ANK3: variants seen among roughly 807,000 people sequenced by gnomAD.
ANK3 encodes the protein ankyrin-3.
Under a neutral mutation model 370.9 loss-of-function variants are expected in ANK3, and 57 were observed. The ratio of observed to expected loss-of-function variants is 0.15; its 90% CI spans 0.12 to 0.19. ANK3 has a LOEUF of 0.19. Ranked by LOEUF, ANK3 falls within the 10% of genes least tolerant of loss-of-function variation. ANK3 has a pLI of 1.00. For synonymous variants in ANK3, 1,929 were observed against 1,946.3 expected, an observed-to-expected ratio of 0.99 and a Z score of 0.23; for missense variants, 4,439 against 5,302.1, an observed-to-expected ratio of 0.84 and a Z score of 5.06.
chr10:60,434,062 A>T (rs1413620413), intron 2 of ANK3, among the ~76,000 whole-genome samples: 1 of 152,244 alleles, frequency 6.6e-6, no homozygotes, highest in East Asian at 1.9e-4. Flanking sequence ...TGGAACAAAC[A>T]GAATATACAA....
Position 60,180,594 on chromosome 10 carries a change from C to CAAAAAAAAAAAAA in ANK3, c.2184+722_2184+734dup, listed in dbSNP as rs58386273. On this transcript the variant is annotated intron_variant, in intron 18 of 43. Transcript: ENST00000280772. ...CTGGTAACAGAGTGAGACTCCGTCT[C>CAAAAAAAAAAAAA]AAAAAAAAAAAAAAAAAAACCAAAA... 6.8e-4 allele frequency among the ~76,000 whole-genome samples: 43 copies of CAAAAAAAAAAAAA among 63,410 alleles called. 5 individuals are homozygous for CAAAAAAAAAAAAA. The highest frequency in any genetic ancestry group is 8.8e-4 in the Admixed American group (4 of 4,522). The allele number at this position is 63,410 out of a possible 152,430, so 41.6% of individuals were successfully genotyped here. A position where few individuals can be genotyped will look rare whatever the true frequency, so the allele number is the denominator to read the frequency against.
At chr10:60,365,622 G>A (rs2059287637) in intron 1 of ANK3, among the ~76,000 whole-genome samples, 2 of 152,118 alleles carry the variant, frequency 1.3e-5, no homozygotes, top group Admixed American at 1.3e-4. Context: ...TCTTTAAATG[G>A]AACGAGAGAA....
At chr10:60,104,580 G>A (rs1491000260) in intron 28 of ANK3, among the ~76,000 whole-genome samples, 1 of 151,982 alleles carries the variant, frequency 6.6e-6, no homozygotes, top group Non-Finnish European at 1.5e-5. Context: ...AAAACCACCT[G>A]ATTTGCAGTG....
intron 1 of ANK3, among the ~76,000 whole-genome samples, chr10:60,728,980 A>T (rs1028819650): frequency 1.3e-5 from 2 of 152,172 alleles, no homozygotes; most frequent in South Asian, 2.1e-4. Context: ...TATTTTCAAG[A>T]TGCATATGTC....
At chr10:60,243,932 G>A (rs1470101483) in intron 7 of ANK3, among the ~76,000 whole-genome samples, 1 of 152,148 alleles carries the variant, frequency 6.6e-6, no homozygotes, top group Non-Finnish European at 1.5e-5. Context: ...GAGAGGAATG[G>A]GAAGCTCAGG....
At chr10:60,456,284 C>T (rs2064745402) in intron 2 of ANK3, among the ~76,000 whole-genome samples, 1 of 152,210 alleles carries the variant, frequency 6.6e-6, no homozygotes, top group Admixed American at 6.5e-5. Context: ...CGCATCTTCC[C>T]TAGGAGATTG....
intron 2 of ANK3, among the ~76,000 whole-genome samples, chr10:60,583,257 C>G (rs1320201548): frequency 6.6e-6 from 1 of 151,910 alleles, no homozygotes; most frequent in African/African-American, 2.4e-5. Context: ...AAGCCAGGCA[C>G]AGAAAGAGAA....
intron 1 of ANK3, among the ~76,000 whole-genome samples, chr10:60,346,001 A>G (rs1398815321): frequency 6.6e-6 from 1 of 152,120 alleles, no homozygotes; most frequent in Non-Finnish European, 1.5e-5. Context: ...ATTTGAAATC[A>G]GTGGGGGAAA....
chr10:60,436,224 G>A (rs917383310), intron 2 of ANK3, among the ~76,000 whole-genome samples: 5 of 152,202 alleles, frequency 3.3e-5, no homozygotes, highest in Non-Finnish European at 7.3e-5. Flanking sequence ...CAGTTGATGA[G>A]TGTTTAGACT....
At chr10:60,440,228 C>A (rs935061217) in intron 2 of ANK3, among the ~76,000 whole-genome samples, 4 of 152,086 alleles carry the variant, frequency 2.6e-5, no homozygotes, top group Admixed American at 1.3e-4. Context: ...AGCAGCTGTA[C>A]GAAATGATCT....
At chr10:60,606,278 T>C (rs1013228544) in intron 2 of ANK3, among the ~76,000 whole-genome samples, 126 of 152,244 alleles carry the variant, frequency 8.3e-4, no homozygotes, top group African/African-American at 3.0e-3. Flanking sequence ...CATTTTCTTT[T>C]GGAACACAGT....
At chr10:60,097,150 T>A (rs940891251) in intron 28 of ANK3, among the ~76,000 whole-genome samples, 7 of 152,292 alleles carry the variant, frequency 4.6e-5, no homozygotes, top group African/African-American at 1.7e-4. Context: ...GTAAAATAGG[T>A]GTCTGAAGTT....
chr10:60,491,594 A>G (rs1411418818), intron 2 of ANK3, among the ~76,000 whole-genome samples: 1 of 152,220 alleles, frequency 6.6e-6, no homozygotes, highest in Non-Finnish European at 1.5e-5. Flanking sequence ...TCCAGCCTCA[A>G]GGAAGTTTGA....
chr10:60,044,362 C>A, intron 42 of ANK3: 1 of 979,496 alleles, frequency 1.0e-6, no homozygotes, highest in Non-Finnish European at 1.2e-6. Flanking sequence ...AAGGATGTGG[C>A]ATAAAGATTA....
In ANK3 at chr10:60,244,603, T is replaced by C. The variant is rs570626535; in HGVS notation, c.799-9817A>G. Among the ~76,000 whole-genome samples, 3 of 152,312 alleles carry C rather than the reference T, an allele frequency of 2.0e-5. No individual in the cohort carries two copies. The South Asian group carries it at 6.2e-4, about 32-fold the overall frequency. On this transcript the variant is annotated intron_variant, in intron 7 of 43. Coordinates refer to ENST00000280772, the MANE Select transcript of ANK3 (RefSeq NM_020987.5). Reference sequence around the variant, plus strand: ...GTGTGTGATTTACATTTAAAACACATACATTTTAAGATTTTTATGTTTTCT... The same window carrying C: ...GTGTGTGATTTACATTTAAAACACACACATTTTAAGATTTTTATGTTTTCT...
chr10:60,177,873 T>G (rs2096021303), intron 18 of ANK3, among the ~76,000 whole-genome samples: 1 of 152,122 alleles, frequency 6.6e-6, no homozygotes, highest in Non-Finnish European at 1.5e-5. Context: ...AGTCTTCAAA[T>G]CTTAGCTGTT....
Position 60,262,385 on chromosome 10 carries a change from A to C in ANK3, c.700-428T>G, listed in dbSNP as rs182813840. Reference sequence around the variant, plus strand: ...TCATATTACTGAACAGTAAATGCCAATTTTCATGACAAAAGCAGTTTTGGG... The same window carrying C: ...TCATATTACTGAACAGTAAATGCCACTTTTCATGACAAAAGCAGTTTTGGG... On this transcript the variant is annotated intron_variant, in intron 6 of 43. Coordinates refer to ENST00000280772, the MANE Select transcript of ANK3 (RefSeq NM_020987.5). Among the ~76,000 whole-genome samples the C allele has an allele frequency of 3.3e-5, 5 of 152,270 alleles. No homozygotes were observed. The East Asian group carries it at 9.6e-4, about 29-fold the overall frequency.
chr10:60,465,909 A>G (rs1446462196), intron 2 of ANK3, among the ~76,000 whole-genome samples: 1 of 151,064 alleles, frequency 6.6e-6, no homozygotes, highest in Admixed American at 6.6e-5. Flanking sequence ...GAAACCAAAT[A>G]TTAAGTAGAG....
intron 2 of ANK3, among the ~76,000 whole-genome samples, chr10:60,574,019 A>G (rs759984457): frequency 3.9e-5 from 6 of 152,230 alleles, no homozygotes; most frequent in Non-Finnish European, 5.9e-5. Context: ...GGAAAAAACA[A>G]GTCACAGAGG....
Sources: gnomAD v4.1 joint callset for allele counts (sites outside exome capture counted in the v4.1 genomes callset) on GRCh38, gnomAD v4.1.1 for gene constraint, MANE v1.5 for transcripts, NCBI Gene and HGNC (gene_info 2026-07-23, HGNC 2026-07-21) for gene names.